ZNF136: variants seen among roughly 807,000 people sequenced by gnomAD.
The protein encoded by ZNF136 is zinc finger protein 136 (clone pHZ-20).
ZNF136 carries 8 observed loss-of-function variants against 11.4 expected under a neutral mutation model. The observed-to-expected ratio is 0.70, with a 90% CI of 0.41 to 1.27. ZNF136 has a LOEUF of 1.27. Among genes scored for constraint, ZNF136 ranks in the 50% most tolerant of loss-of-function variants. The probability of loss-of-function intolerance (pLI) is 0.01; values close to 1 mark genes in which losing one functional copy is unlikely to be tolerated. For missense variants in ZNF136, 590 were observed against 656.5 expected (o/e 0.90, Z 1.11); for synonymous variants, 190 against 207.1 (o/e 0.92, Z 0.71).
At chr19:12,180,498 A>C (rs1003287743) in intron 1 of ZNF136, among the ~76,000 whole-genome samples, 8 of 152,202 alleles carry the variant, frequency 5.3e-5, no homozygotes, top group Admixed American at 3.3e-4. Context: ...ACTGGTTTAT[A>C]AGAAGGAAAT....
rs1915177208 is a variant in ZNF136 at position 12,188,515 on chromosome 19, A to G, written c.*514A>G. ...TCAAAACACTATAAATGTGAAAACT[A>G]CAAGGAAGGTTTTCCATTATACTTT... On this transcript the variant is annotated 3_prime_UTR_variant, in exon 4 of 4. Transcript: ENST00000343979. 3 of 152,386 alleles carry G rather than the reference A, an allele frequency of 2.0e-5. No homozygotes were observed. The highest frequency in any genetic ancestry group is 6.5e-5 in the Admixed American group (1 of 15,282). 9.4% of individuals were successfully genotyped at this position (152,386 alleles called of 1,614,324 possible).
intron 1 of ZNF136, among the ~76,000 whole-genome samples, chr19:12,180,797 T>C (rs1204271275): frequency 6.6e-6 from 1 of 152,252 alleles, no homozygotes; most frequent in African/African-American, 2.4e-5. Context: ...GGTTAAAAAT[T>C]TTAATGCATG....
At chr19:12,181,301 A>AGTGTGTGGG (rs1914933614) in intron 1 of ZNF136, among the ~76,000 whole-genome samples, 1 of 152,114 alleles carries the variant, frequency 6.6e-6, no homozygotes, top group Non-Finnish European at 1.5e-5. Flanking sequence ...GAGTTGCTCA[A>AGTGTGTGGG]ATGTGTGGGA....
At chr19:12,171,061 C>A (rs760423581) in intron 1 of ZNF136, among the ~76,000 whole-genome samples, 4 of 152,022 alleles carry the variant, frequency 2.6e-5, no homozygotes, top group Non-Finnish European at 5.9e-5. Context: ...TCTTGAACTC[C>A]TGACCTCAGG....
At chr19:12,163,595 A>T (rs368598840) in intron 1 of ZNF136, among the ~76,000 whole-genome samples, 1 of 152,132 alleles carries the variant, frequency 6.6e-6, no homozygotes, top group African/African-American at 2.4e-5. Context: ...TTCTAAGTGT[A>T]TGGGATGCAG....
intron 1 of ZNF136, among the ~76,000 whole-genome samples, chr19:12,175,217 CAG>C (rs1161083366): frequency 6.7e-6 from 1 of 150,188 alleles, no homozygotes; most frequent in African/African-American, 2.5e-5. Context: ...TTGGGGGGGA[CAG>C]AGTCTTGCTT....
chr19:12,166,249 T>G (rs1977185299), intron 1 of ZNF136, among the ~76,000 whole-genome samples: 1 of 151,890 alleles, frequency 6.6e-6, no homozygotes, highest in Non-Finnish European at 1.5e-5. Context: ...GAAAAAAAAT[T>G]TAAACTGCTT....
At chr19:12,183,066 AT>A (rs1258416508) in intron 1 of ZNF136, among the ~76,000 whole-genome samples, 1 of 151,910 alleles carries the variant, frequency 6.6e-6, no homozygotes, top group Non-Finnish European at 1.5e-5. Flanking sequence ...TTTGTATTTA[AT>A]TTTTCCCCCC....
chr19:12,179,928 C>T (rs1914900360), intron 1 of ZNF136, among the ~76,000 whole-genome samples: 1 of 151,836 alleles, frequency 6.6e-6, no homozygotes, highest in African/African-American at 2.4e-5. Flanking sequence ...TGCAGTGGCG[C>T]AGTCTCGGCT....
chr19:12,187,586 C>T lies in ZNF136; in HGVS notation c.1208C>T (p.Ser403Phe). The T allele has an allele frequency of 6.2e-7, 1 of 1,614,008 alleles. No individual in the cohort carries two copies. Among genetic ancestry groups the T allele is most frequent in the African/African-American group, 1.3e-5 (1 of 74,996 alleles). Reference sequence around the variant, plus strand: ...AAGGTATGTGGGAAACCCTTTCATTCTCTGAGTCCATTTCGAATACATGAA... The same window carrying T: ...AAGGTATGTGGGAAACCCTTTCATTTTCTGAGTCCATTTCGAATACATGAA... Reference protein sequence around the residue: ...KCKVCGKPFHSLSPFRIHERT... With the variant: ...KCKVCGKPFHFLSPFRIHERT... The change falls in exon 4 of 4, where the codon TCT becomes TTT. Residue 403 changes from serine to phenylalanine, a missense_variant. Transcript: ENST00000343979.
chr19:12,187,792 G>A lies in ZNF136; in HGVS notation c.1414G>A (p.Gly472Ser). 1 of 1,609,342 alleles carries A rather than the reference G, an allele frequency of 6.2e-7. No individual in the cohort carries two copies. Among genetic ancestry groups the A allele is most frequent in the South Asian group, 1.1e-5 (1 of 90,274 alleles). The change falls in exon 4 of 4, where the codon GGT becomes AGT. Residue 472 changes from glycine (G) to serine (S), a missense_variant. Coordinates refer to ENST00000343979, the MANE Select transcript of ZNF136 (RefSeq NM_003437.5). The part of the protein sequence containing the change: ...SFRTHEMIHT[G>S]EKPFECKRCG... ...TCGAACACATGAAATGATTCACACT[G>A]GTGAGAAACCCTTTGAATGTAAGCG...
intron 1 of ZNF136, among the ~76,000 whole-genome samples, chr19:12,171,148 T>G (rs1599453424): frequency 6.6e-6 from 1 of 152,066 alleles, no homozygotes; most frequent in South Asian, 2.1e-4. Context: ...CCCAGCTAAT[T>G]TTTTTTATTT....
intron 1 of ZNF136, among the ~76,000 whole-genome samples, chr19:12,180,573 G>A (rs966604371): frequency 1.3e-5 from 2 of 152,182 alleles, no homozygotes; most frequent in Non-Finnish European, 2.9e-5. Context: ...GTGTGTATAT[G>A]TTCTCTGTGG....
At chr19:12,165,082 A>C (rs555781420) in intron 1 of ZNF136, among the ~76,000 whole-genome samples, 2 of 152,298 alleles carry the variant, frequency 1.3e-5, no homozygotes, top group South Asian at 4.1e-4. Context: ...TTTTAGGTCG[A>C]CAAGGGAAAA....
At chr19:12,163,230 C>T (rs756111769) in intron 1 of ZNF136, 24 bp downstream of exon 1, 168 of 1,379,412 alleles carry the variant, frequency 1.2e-4, no homozygotes, top group Non-Finnish European at 1.5e-4. Context: ...GCCCTGCGTC[C>T]CGAGACAGGG....
At chr19:12,168,788 G>T (rs1377975409) in intron 1 of ZNF136, among the ~76,000 whole-genome samples, 1 of 151,918 alleles carries the variant, frequency 6.6e-6, no homozygotes, top group African/African-American at 2.4e-5. Flanking sequence ...CGATTCTCCT[G>T]CCTCAGCCGC....
At chr19:12,178,672 T>C (rs1016939224) in intron 1 of ZNF136, among the ~76,000 whole-genome samples, 20 of 152,294 alleles carry the variant, frequency 1.3e-4, no homozygotes, top group African/African-American at 4.8e-4. Context: ...ATAAACTTTA[T>C]AATTTTGTGG....
In ZNF136 at chr19:12,178,152, C is replaced by T. The variant is rs556366961; in HGVS notation, c.4-7633C>T. 2.0e-5 allele frequency among the ~76,000 whole-genome samples: 3 copies of T among 152,224 alleles called. No individual in the cohort carries two copies. In the South Asian group the frequency reaches 6.2e-4, roughly 32 times the overall value. On this transcript the variant is annotated intron_variant, in intron 1 of 3. Transcript: ENST00000343979. ...AGTTTTAAATTGGATTGTTTTCTTG[C>T]TATTGAGCTGTTTGAATTCTTTATA...
chr19:12,181,223 G>T (rs1454324527), intron 1 of ZNF136, among the ~76,000 whole-genome samples: 1 of 152,186 alleles, frequency 6.6e-6, no homozygotes, highest in Non-Finnish European at 1.5e-5. Context: ...GTGTGCAGGG[G>T]CCTGGGGTCC....
Sources: gnomAD v4.1 joint callset for allele counts (sites outside exome capture counted in the v4.1 genomes callset) on GRCh38, gnomAD v4.1.1 for gene constraint, MANE v1.5 for transcripts, NCBI Gene and HGNC (gene_info 2026-07-23, HGNC 2026-07-21) for gene names.